Variants in RNLS observed in about 807,000 individuals in gnomAD.
The protein encoded by RNLS is renalase, FAD dependent amine oxidase.
RNLS carries 39 observed loss-of-function variants against 39.8 expected under a neutral mutation model. That is an observed-to-expected ratio of 0.98 (90% CI 0.76 to 1.28). The LOEUF (loss-of-function observed/expected upper bound fraction) is 1.28, where lower values mean the gene tolerates loss of function less well. RNLS is among the 50% of genes most tolerant of loss of function. The pLI is 0.00. For missense variants in RNLS, 410 were observed against 413.3 expected, an observed-to-expected ratio of 0.99 and a Z score of 0.07; for synonymous variants, 147 against 150.7, an observed-to-expected ratio of 0.98 and a Z score of 0.18.
chr10:88,362,497 ATGATC>A, intron 5 of RNLS, 50 bp downstream of exon 5: 1 of 1,473,294 alleles, frequency 6.8e-7, no homozygotes, highest in South Asian at 1.3e-5. Flanking sequence ...AGCATTTTTC[ATGATC>A]TACACCCACC....
chr10:88,499,238 C>T (rs1265387047), intron 4 of RNLS, among the ~76,000 whole-genome samples: 1 of 152,154 alleles, frequency 6.6e-6, no homozygotes, highest in East Asian at 1.9e-4. Flanking sequence ...CTCTACCTTC[C>T]TTACTTAGGT....
At chr10:88,213,581 T>C in the RNLS span, among the ~76,000 whole-genome samples, 1 of 152,130 alleles carries the variant, frequency 6.6e-6, no homozygotes, top group Non-Finnish European at 1.5e-5. Context: ...TCTCAATCCC[T>C]GCTCCCTGTT....
intron 4 of RNLS, among the ~76,000 whole-genome samples, chr10:88,522,485 C>T (rs979380104): frequency 2.0e-5 from 3 of 152,012 alleles, no homozygotes; most frequent in Admixed American, 6.6e-5. Context: ...ACTTGAGCTC[C>T]TGTGAAAACT....
chr10:88,561,914 AT>A (rs1849213693), intron 4 of RNLS, among the ~76,000 whole-genome samples: 1 of 152,176 alleles, frequency 6.6e-6, no homozygotes, highest in African/African-American at 2.4e-5. Flanking sequence ...TAAATGACCA[AT>A]AAGCTTATGA....
At chr10:88,180,422 G>T in the RNLS span, among the ~76,000 whole-genome samples, 1 of 152,112 alleles carries the variant, frequency 6.6e-6, no homozygotes, top group South Asian at 2.1e-4. Flanking sequence ...ACTAGAGCTG[G>T]GTGGCTGAGA....
chr10:88,525,476 T>A, intron 4 of RNLS, among the ~76,000 whole-genome samples: 1 of 152,186 alleles, frequency 6.6e-6, no homozygotes, highest in East Asian at 1.9e-4. Context: ...TTTATTTATT[T>A]TTGTTAATAT....
chr10:88,531,751 G>A (rs537228995), intron 4 of RNLS, among the ~76,000 whole-genome samples: 20 of 152,108 alleles, frequency 1.3e-4, no homozygotes, highest in African/African-American at 3.6e-4. Context: ...GGTTTCCAGC[G>A]ATCTGTGAAG....
chr10:88,189,788 C>T, the RNLS span, among the ~76,000 whole-genome samples: 1 of 152,218 alleles, frequency 6.6e-6, no homozygotes, highest in Non-Finnish European at 1.5e-5. Context: ...TTTGACCAGG[C>T]ATGCAATGCA....
Position 88,314,650 on chromosome 10 carries a change from T to A in RNLS, c.701-9A>T, listed in dbSNP as rs183867101. On this transcript the variant is annotated splice_polypyrimidine_tract_variant and intron_variant, in intron 5 of 6. Transcript: ENST00000331772. ...CCCAATTTCTGATGACTCTGTGGCA[T>A]AAGAGGATCATAAAGATGCATCTTA... 1 of 1,608,778 alleles carries A rather than the reference T, an allele frequency of 6.2e-7. No homozygotes were observed. The highest frequency in any genetic ancestry group is 1.3e-5 in the African/African-American group (1 of 74,868).
At chr10:88,291,173 T>C (rs1176357248) in intron 6 of RNLS, among the ~76,000 whole-genome samples, 4 of 152,170 alleles carry the variant, frequency 2.6e-5, no homozygotes, top group Non-Finnish European at 4.4e-5. Context: ...AGTTTCTCAA[T>C]GCATGACAAG....
chr10:88,490,645 GCATT>G (rs1317807607), intron 4 of RNLS, among the ~76,000 whole-genome samples: 2 of 152,132 alleles, frequency 1.3e-5, no homozygotes, highest in Non-Finnish European at 2.9e-5. Flanking sequence ...TTTAAAATGT[GCATT>G]CATTCATTTT....
intron 5 of RNLS, among the ~76,000 whole-genome samples, chr10:88,344,965 T>C (rs1233025055): frequency 6.6e-6 from 1 of 152,122 alleles, no homozygotes; most frequent in East Asian, 1.9e-4. Flanking sequence ...TTCTTCTCAT[T>C]ATATAAATGA....
chr10:88,488,432 G>C (rs748861075), intron 4 of RNLS, among the ~76,000 whole-genome samples: 3 of 151,834 alleles, frequency 2.0e-5, no homozygotes, highest in Non-Finnish European at 4.4e-5. Flanking sequence ...TGTAATCCCA[G>C]CTACTTGGGA....
intron 4 of RNLS, among the ~76,000 whole-genome samples, chr10:88,388,554 C>T (rs568391815): frequency 1.1e-4 from 17 of 152,250 alleles, no homozygotes; most frequent in African/African-American, 3.1e-4. Context: ...GCTGAAGAGA[C>T]TTAAATATTT....
intron 6 of RNLS, among the ~76,000 whole-genome samples, chr10:88,310,627 C>T (rs1050068249): frequency 3.0e-4 from 46 of 151,566 alleles, no homozygotes; most frequent in Admixed American, 3.0e-3. Flanking sequence ...CCCGTGACTA[C>T]AAACATTTTA....
chr10:88,269,428 G>C (rs187849244), downstream of RNLS, among the ~76,000 whole-genome samples: 196 of 152,208 alleles, frequency 1.3e-3, 1 homozygote, highest in East Asian at 5.8e-4. Context: ...TTCACTGCTT[G>C]CTTGATGCTT....
chr10:88,359,754 TTGTACTCTTTC>T (rs1849491027), intron 5 of RNLS, among the ~76,000 whole-genome samples: 1 of 152,252 alleles, frequency 6.6e-6, no homozygotes, highest in South Asian at 2.1e-4. Flanking sequence ...ATATTTTATG[TTGTACTCTTTC>T]AAATTTGCAT....
chr10:88,301,375 C>G (rs547231677), intron 6 of RNLS, among the ~76,000 whole-genome samples: 8 of 152,140 alleles, frequency 5.3e-5, no homozygotes, highest in Non-Finnish European at 1.0e-4. Context: ...TGGGCAATTA[C>G]TCAACGCAAT....
the RNLS span, among the ~76,000 whole-genome samples, chr10:88,235,825 T>C: frequency 4.0e-5 from 6 of 151,826 alleles, no homozygotes; most frequent in African/African-American, 7.2e-5. Context: ...GTTATTGCTG[T>C]TGTTTTGTTT....
Sources: allele counts gnomAD v4.1 joint callset (sites outside exome capture counted in the v4.1 genomes callset), GRCh38; gene constraint gnomAD v4.1.1; transcripts MANE v1.5; gene names NCBI Gene and HGNC (gene_info 2026-07-23, HGNC 2026-07-21).